Variants in GRIA4 observed in about 807,000 individuals in gnomAD.
GRIA4 encodes glutamate receptor 4.
GRIA4 carries 34 observed loss-of-function variants against 104.0 expected under a neutral mutation model. The observed-to-expected ratio is 0.33, with a 90% CI of 0.25 to 0.44. GRIA4 has a LOEUF of 0.44. Among genes scored for constraint, GRIA4 ranks in the 20% least tolerant of loss-of-function variants. GRIA4 has a pLI of 1.00. For synonymous variants in GRIA4, 386 were observed against 381.9 expected, an observed-to-expected ratio of 1.01 and a Z score of -0.13; for missense variants, 750 against 1,096.5, an observed-to-expected ratio of 0.68 and a Z score of 4.46.
At chr11:105,872,932 CTTTT>C (rs574863443) in intron 5 of GRIA4, among the ~76,000 whole-genome samples, 1 of 151,520 alleles carries the variant, frequency 6.6e-6, no homozygotes, top group Non-Finnish European at 1.5e-5. Context: ...CATGGTGTAT[CTTTT>C]TTTATTTTTT....
chr11:105,954,243 G>A (rs1318988560), intron 14 of GRIA4, among the ~76,000 whole-genome samples: 2 of 152,106 alleles, frequency 1.3e-5, no homozygotes, highest in Non-Finnish European at 2.9e-5. Context: ...ACCACATAAT[G>A]AGGAACAATA....
chr11:105,970,088 C>T (rs1858607813), intron 14 of GRIA4, among the ~76,000 whole-genome samples: 1 of 152,060 alleles, frequency 6.6e-6, no homozygotes, highest in Admixed American at 6.6e-5. Context: ...ATCCTCAACT[C>T]ACCCCACCCT....
intron 13 of GRIA4, among the ~76,000 whole-genome samples, chr11:105,932,863 A>G (rs1222867033): frequency 6.6e-6 from 1 of 152,120 alleles, no homozygotes; most frequent in Non-Finnish European, 1.5e-5. Flanking sequence ...GTGTTCAATT[A>G]CTGACTTGAT....
At chr11:105,965,247 T>G (rs1284779393) in intron 14 of GRIA4, among the ~76,000 whole-genome samples, 3 of 150,744 alleles carry the variant, frequency 2.0e-5, no homozygotes, top group African/African-American at 7.3e-5. Flanking sequence ...ATCCTGGGGT[T>G]TAATTACTTA....
intron 3 of GRIA4, among the ~76,000 whole-genome samples, chr11:105,641,973 G>A (rs1951375129): frequency 2.0e-5 from 3 of 152,148 alleles, no homozygotes; most frequent in South Asian, 4.1e-4. Context: ...TTCTTCTGAG[G>A]CCTTTCTCCT....
intron 3 of GRIA4, among the ~76,000 whole-genome samples, chr11:105,669,476 T>A (rs777939898): frequency 1.3e-5 from 2 of 152,136 alleles, no homozygotes; most frequent in Non-Finnish European, 2.9e-5. Context: ...CACATCTCCA[T>A]GCTAATCTTC....
intron 13 of GRIA4, among the ~76,000 whole-genome samples, chr11:105,930,891 T>C (rs572370230): frequency 6.6e-6 from 1 of 152,170 alleles, no homozygotes; most frequent in African/African-American, 2.4e-5. Flanking sequence ...TATGTGGAGC[T>C]CTATACCTTT....
chr11:105,839,043 G>A (rs1591329924), intron 4 of GRIA4, among the ~76,000 whole-genome samples: 1 of 151,998 alleles, frequency 6.6e-6, no homozygotes, highest in Non-Finnish European at 1.5e-5. Flanking sequence ...GATGCACAGG[G>A]CCTTCATCCA....
At chr11:105,895,626 GGAGGGAGA>G (rs1256128321) in intron 6 of GRIA4, among the ~76,000 whole-genome samples, 16 of 151,518 alleles carry the variant, frequency 1.1e-4, no homozygotes, top group African/African-American at 3.9e-4. Flanking sequence ...ATGGAGGGAG[GGAGGGAGA>G]GAGAGAGAGA....
intron 3 of GRIA4, among the ~76,000 whole-genome samples, chr11:105,732,343 C>G (rs151093644): frequency 6.6e-6 from 1 of 152,052 alleles, no homozygotes; most frequent in Non-Finnish European, 1.5e-5. Flanking sequence ...GAGTGGAGGG[C>G]GTGAACCAGC....
intron 14 of GRIA4, among the ~76,000 whole-genome samples, chr11:105,963,307 A>G (rs568481232): frequency 6.6e-6 from 1 of 152,266 alleles, no homozygotes; most frequent in Admixed American, 6.5e-5. Context: ...CAGATGTCCA[A>G]ATGGTCATTA....
chr11:105,683,254 T>G (rs1952767255), intron 3 of GRIA4, among the ~76,000 whole-genome samples: 1 of 151,908 alleles, frequency 6.6e-6, no homozygotes, highest in Non-Finnish European at 1.5e-5. Flanking sequence ...TTTTCAAATA[T>G]ATCCTTGTAT....
At chr11:105,771,963 C>T (rs1941226901) in intron 4 of GRIA4, among the ~76,000 whole-genome samples, 1 of 152,008 alleles carries the variant, frequency 6.6e-6, no homozygotes, top group Non-Finnish European at 1.5e-5. Flanking sequence ...GCTCCATTTG[C>T]AGTGGAGAGA....
At chr11:105,885,112 T>TA (rs1290406375) in intron 5 of GRIA4, among the ~76,000 whole-genome samples, 1 of 152,178 alleles carries the variant, frequency 6.6e-6, no homozygotes, top group East Asian at 1.9e-4. Flanking sequence ...CAGGAATCTG[T>TA]AGTAGACTCC....
chr11:105,758,286 T>G (rs1469704642), intron 4 of GRIA4, among the ~76,000 whole-genome samples: 1 of 152,102 alleles, frequency 6.6e-6, no homozygotes, highest in African/African-American at 2.4e-5. Flanking sequence ...CCTGAGCATA[T>G]GCAGAAATTT....
chr11:105,817,063 A>G lies in GRIA4; in HGVS notation c.488-44961A>G, dbSNP rs150177826. On this transcript the variant is annotated intron_variant, in intron 4 of 16. Transcript: ENST00000282499. ...AAACTAACTCAGGTTCTGAAATCCA[A>G]CTGCTGGGGTTTGAATCCCAGCCTC... Among the ~76,000 whole-genome samples the G allele has an allele frequency of 3.4e-3, 518 of 152,142 alleles. 4 individuals are homozygous for G. The highest frequency in any genetic ancestry group is 0.012 in the African/African-American group (484 of 41,504).
chr11:105,628,757 G>C (rs1738213130), intron 3 of GRIA4, among the ~76,000 whole-genome samples: 1 of 152,038 alleles, frequency 6.6e-6, no homozygotes, highest in South Asian at 2.1e-4. Flanking sequence ...CACAAAATTT[G>C]CTAATGATTG....
chr11:105,749,645 G>A (rs112064660), intron 3 of GRIA4, among the ~76,000 whole-genome samples: 2 of 151,932 alleles, frequency 1.3e-5, no homozygotes, highest in East Asian at 1.9e-4. Context: ...TTGACTTAGC[G>A]TGGCATCTGG....
At chr11:105,688,134 A>C (rs182092236) in intron 3 of GRIA4, among the ~76,000 whole-genome samples, 107 of 78,324 alleles carry the variant, frequency 1.4e-3, no homozygotes, top group African/African-American at 3.8e-3. Context: ...ATCTATATCT[A>C]TATCTATATC....
Sources: gnomAD v4.1 joint callset for allele counts (sites outside exome capture counted in the v4.1 genomes callset) on GRCh38, gnomAD v4.1.1 for gene constraint, MANE v1.5 for transcripts, NCBI Gene and HGNC (gene_info 2026-07-23, HGNC 2026-07-21) for gene names.